The following STK3 variants were observed in gnomAD, a reference collection of about 807,000 sequenced individuals.
The protein encoded by STK3 is serine/threonine-protein kinase 3.
Under a neutral mutation model 58.0 loss-of-function variants are expected in STK3, and 41 were observed. That is an observed-to-expected ratio of 0.71 (90% CI 0.55 to 0.92). The LOEUF is 0.92. STK3 is among the 40% of genes least tolerant of loss of function. The pLI is 0.00. For missense variants in STK3, 479 were observed against 602.7 expected, an observed-to-expected ratio of 0.79 and a Z score of 2.15; for synonymous variants, 170 against 191.0, an observed-to-expected ratio of 0.89 and a Z score of 0.91.
chr8:98,655,040 C>T (rs1360012766), intron 6 of STK3, among the ~76,000 whole-genome samples: 2 of 151,626 alleles, frequency 1.3e-5, no homozygotes, highest in Admixed American at 6.6e-5. Flanking sequence ...AATCCTAAGC[C>T]AAAAGAACAA....
intron 10 of STK3, among the ~76,000 whole-genome samples, chr8:98,457,082 C>A (rs775393417): frequency 6.6e-6 from 1 of 152,184 alleles, no homozygotes; most frequent in African/African-American, 2.4e-5. Context: ...AAGGTGAATG[C>A]CACTCACTTC....
At chr8:98,600,129 A>T (rs1814503594) in intron 6 of STK3, among the ~76,000 whole-genome samples, 1 of 152,202 alleles carries the variant, frequency 6.6e-6, no homozygotes, top group African/African-American at 2.4e-5. Context: ...GGGAACATGA[A>T]CTCACAATTC....
intron 1 of STK3, among the ~76,000 whole-genome samples, chr8:98,814,368 T>TG (rs1211228056): frequency 2.2e-5 from 3 of 134,750 alleles, no homozygotes; most frequent in African/African-American, 8.0e-5. Flanking sequence ...TTTTTTTTTT[T>TG]GTCACCCAAG....
intron 6 of STK3, among the ~76,000 whole-genome samples, chr8:98,649,454 T>G (rs1022888360): frequency 6.6e-6 from 1 of 152,210 alleles, no homozygotes; most frequent in Non-Finnish European, 1.5e-5. Context: ...ATTCATATTC[T>G]TCCATGTAAG....
intron 1 of STK3, among the ~76,000 whole-genome samples, chr8:98,793,003 G>A (rs1832906039): frequency 6.6e-6 from 1 of 151,856 alleles, no homozygotes; most frequent in South Asian, 2.1e-4. Flanking sequence ...GCCATAAAAA[G>A]GAATGAATTA....
At chr8:98,822,557 G>C (rs1164677727) in intron 1 of STK3, among the ~76,000 whole-genome samples, 1 of 152,112 alleles carries the variant, frequency 6.6e-6, no homozygotes, top group Non-Finnish European at 1.5e-5. Context: ...TATCACATTA[G>C]GAATTCAGTG....
At chr8:98,902,323 A>G (rs1213072625) in intron 1 of STK3, among the ~76,000 whole-genome samples, 1 of 152,182 alleles carries the variant, frequency 6.6e-6, no homozygotes, top group Non-Finnish European at 1.5e-5. Flanking sequence ...GTCCAATACC[A>G]TGGATACACA....
chr8:98,814,469 A>G (rs1449508495), intron 1 of STK3, among the ~76,000 whole-genome samples: 1 of 151,580 alleles, frequency 6.6e-6, no homozygotes, highest in Non-Finnish European at 1.5e-5. Flanking sequence ...CAGCCTCCCA[A>G]GTCACTGGGA....
chr8:98,600,528 A>C (rs1395612240), intron 6 of STK3, among the ~76,000 whole-genome samples: 1 of 152,228 alleles, frequency 6.6e-6, no homozygotes, highest in Non-Finnish European at 1.5e-5. Flanking sequence ...AGTAAAGTGA[A>C]TGTCAAAATT....
At chr8:98,555,384 T>G (rs1311407840) in intron 8 of STK3, among the ~76,000 whole-genome samples, 5 of 152,178 alleles carry the variant, frequency 3.3e-5, no homozygotes, top group Non-Finnish European at 7.4e-5. Context: ...TGTTTCTATA[T>G]TCTCAAAATG....
At chr8:98,825,422 G>T in intron 1 of STK3, 93 bp downstream of exon 1, 1 of 1,199,438 alleles carries the variant, frequency 8.3e-7, no homozygotes, top group Non-Finnish European at 1.1e-6. Flanking sequence ...CCGGCGGGCG[G>T]GGAGAGGCTC....
At chr8:98,670,229 C>T (rs879698309) in intron 6 of STK3, among the ~76,000 whole-genome samples, 7 of 151,908 alleles carry the variant, frequency 4.6e-5, no homozygotes, top group Middle Eastern at 3.2e-3. Flanking sequence ...ATTAGCTAGG[C>T]GTGGTGGTGT....
At chr8:98,572,775 C>T (rs887887476) in intron 8 of STK3, among the ~76,000 whole-genome samples, 3 of 152,116 alleles carry the variant, frequency 2.0e-5, no homozygotes, top group African/African-American at 7.2e-5. Context: ...ATGGAAGCTA[C>T]TGCCTGAAAA....
intron 6 of STK3, among the ~76,000 whole-genome samples, chr8:98,644,088 T>C (rs2130634090): frequency 6.6e-6 from 1 of 152,332 alleles, no homozygotes; most frequent in African/African-American, 2.4e-5. Flanking sequence ...AGAGGAATTG[T>C]ATAAGTTCAA....
upstream of STK3, among the ~76,000 whole-genome samples, chr8:98,830,589 T>C (rs1417448682): frequency 6.6e-6 from 1 of 152,002 alleles, no homozygotes; most frequent in Non-Finnish European, 1.5e-5. Flanking sequence ...AAACTGCAAA[T>C]AAGAGGCAGC....
At chr8:98,779,848 T>C (rs1172758227) in intron 1 of STK3, among the ~76,000 whole-genome samples, 1 of 152,044 alleles carries the variant, frequency 6.6e-6, no homozygotes, top group African/African-American at 2.4e-5. Context: ...TAAACAATGC[T>C]GCACTGAGTA....
intron 3 of STK3, among the ~76,000 whole-genome samples, chr8:98,415,765 T>G (rs1451603335): frequency 6.6e-6 from 1 of 152,252 alleles, no homozygotes; most frequent in East Asian, 1.9e-4. Flanking sequence ...TATTCCAGGC[T>G]AACTGAACAG....
intron 4 of STK3, among the ~76,000 whole-genome samples, chr8:98,718,381 T>C (rs1340454531): frequency 6.6e-6 from 1 of 152,166 alleles, no homozygotes; most frequent in Non-Finnish European, 1.5e-5. Context: ...CATGTAAGGC[T>C]TTCCTGGCCA....
chr8:98,793,641 C>T (rs1832949389), intron 1 of STK3, among the ~76,000 whole-genome samples: 1 of 152,262 alleles, frequency 6.6e-6, no homozygotes, highest in East Asian at 1.9e-4. Context: ...ACCACTGAGG[C>T]AGAAAACTAA....
Sources: allele counts gnomAD v4.1 joint callset (sites outside exome capture counted in the v4.1 genomes callset), GRCh38; gene constraint gnomAD v4.1.1; transcripts MANE v1.5; gene names NCBI Gene and HGNC (gene_info 2026-07-23, HGNC 2026-07-21).